DENND11: variants seen among roughly 807,000 people sequenced by gnomAD.
DENND11 encodes DENN domain containing 11, also known as DENN domain-containing protein 11.
DENND11 carries 34 observed loss-of-function variants against 49.2 expected under a neutral mutation model. The observed-to-expected ratio is 0.69, with a 90% CI of 0.53 to 0.92. DENND11 has a LOEUF of 0.92. DENND11 is among the 40% of genes least tolerant of loss of function. DENND11 has a pLI of 0.00. For missense variants in DENND11, 475 were observed against 581.6 expected (o/e 0.82, Z 1.88); for synonymous variants, 238 against 230.3 (o/e 1.03, Z -0.30).
At chr7:141,701,126 G>C (rs1223337321) in intron 1 of DENND11, among the ~76,000 whole-genome samples, 2 of 151,926 alleles carry the variant, frequency 1.3e-5, no homozygotes, top group African/African-American at 4.8e-5. Flanking sequence ...CCTGGAAAAC[G>C]CACACCCCCC....
chr7:141,668,573 G>A (rs1797930169), intron 4 of DENND11, among the ~76,000 whole-genome samples: 2 of 152,086 alleles, frequency 1.3e-5, no homozygotes, highest in South Asian at 2.1e-4. Flanking sequence ...GCAACAATGC[G>A]AGACTGTCTC....
intron 4 of DENND11, among the ~76,000 whole-genome samples, chr7:141,667,339 A>G (rs1330468706): frequency 6.6e-6 from 1 of 152,148 alleles, no homozygotes; most frequent in African/African-American, 2.4e-5. Flanking sequence ...CTGAATTCCA[A>G]TCCTGGCCCT....
Position 141,662,779 on chromosome 7 carries a change from CAG to C in DENND11, c.1243_1244del (p.Leu415AspfsTer29). The C allele has an allele frequency of 1.2e-6, 2 of 1,606,718 alleles. No individual in the cohort carries two copies. Among genetic ancestry groups the C allele is most frequent in the African/African-American group, 1.3e-5 (1 of 74,890 alleles). On this transcript the variant is annotated frameshift_variant, in exon 9 of 9. Coordinates refer to ENST00000536163, the MANE Select transcript of DENND11 (RefSeq NM_001080392.2). LOFTEE classifies it high-confidence loss of function. The part of the protein sequence containing the change: ...LEVSASQDKT[L>X]TAEHARGMGL... ...CCATGCCCCGGGCATGCTCTGCTGTCAGAGTTTTGTCTTGACTGGCAGACACC... is the reference window on the plus strand; with the variant it reads ...CCATGCCCCGGGCATGCTCTGCTGTCAGTTTTGTCTTGACTGGCAGACACC...
chr7:141,666,313 G>T lies in DENND11; in HGVS notation c.794C>A (p.Pro265Gln). Residue 265 changes from proline (P) to glutamine (Q), a missense_variant, in exon 5 of 9, where the codon CCA becomes CAA. Coordinates refer to ENST00000536163, the MANE Select transcript of DENND11 (RefSeq NM_001080392.2). ...LRKRILIFSPPPVGVVCYRVY... is the reference protein window; with the variant it reads ...LRKRILIFSPQPVGVVCYRVY... ...TCTATAGCACACCACGCCCACAGGT[G>T]GGGGAGAAAATATCAAAATGCGCTT... 2 of 1,612,826 alleles carry T rather than the reference G, an allele frequency of 1.2e-6. No homozygotes were observed. The highest frequency in any genetic ancestry group is 1.7e-4 in the Middle Eastern group (1 of 6,056).
chr7:141,665,751 G>A (rs951066981), intron 5 of DENND11, among the ~76,000 whole-genome samples: 1 of 151,968 alleles, frequency 6.6e-6, no homozygotes, highest in Non-Finnish European at 1.5e-5. Flanking sequence ...CTGGATATGA[G>A]TGCAGAAATA....
At chr7:141,671,872 G>A (rs1422686937) in intron 4 of DENND11, among the ~76,000 whole-genome samples, 2 of 152,198 alleles carry the variant, frequency 1.3e-5, no homozygotes, top group African/African-American at 2.4e-5. Flanking sequence ...CTCAGCCTAC[G>A]CCACGGGGTT....
rs1587199212 is a variant in DENND11, at chr7:141,663,982, A to G, written c.1172+190T>C. The G allele has an allele frequency of 6.2e-6, 3 of 482,926 alleles. No individual in the cohort carries two copies. The East Asian group carries it at 8.8e-5, about 14-fold the overall frequency. 29.9% of individuals were successfully genotyped at this position (482,926 alleles called of 1,614,324 possible). A position where few individuals can be genotyped will look rare whatever the true frequency, so the allele number is the denominator to read the frequency against. ...TCTTAAGGGACCTGCTTCTTTCCCT[A>G]AGTCTTCTGGGTTCCCCCTAATGGC... is the stretch of plus-strand genomic sequence containing the variant. On this transcript the variant is annotated intron_variant, in intron 8 of 8. Transcript: ENST00000536163.
intron 4 of DENND11, among the ~76,000 whole-genome samples, chr7:141,671,451 A>G (rs895459974): frequency 1.3e-5 from 2 of 152,230 alleles, no homozygotes; most frequent in African/African-American, 4.8e-5. Flanking sequence ...TGTTGGGATT[A>G]CAGGCGTGAG....
rs1370883503 is a variant in DENND11 at position 141,660,987 on chromosome 7, A to G, written c.*1669T>C. On this transcript the variant is annotated 3_prime_UTR_variant, in exon 9 of 9. Coordinates refer to ENST00000536163, the MANE Select transcript of DENND11 (RefSeq NM_001080392.2). ...ATAAAGATGCTACCTTGATTAATCAATGTCTATTTGCATTTCCACATGTGA... is the reference window on the plus strand; with the variant it reads ...ATAAAGATGCTACCTTGATTAATCAGTGTCTATTTGCATTTCCACATGTGA... 4.6e-5 allele frequency: 7 copies of G among 152,346 alleles called. No individual in the cohort carries two copies. The highest frequency in any genetic ancestry group is 1.7e-4 in the African/African-American group (7 of 41,460). The allele number at this position is 152,346 out of a possible 1,614,324, so 9.4% of individuals were successfully genotyped here.
At position 141,658,686 on chromosome 7, in the gene DENND11, G is replaced by T. The variant is rs966187493; in HGVS notation, c.*3970C>A. ...GCCCCTCCTCCTTTACCTCTGCAAG[G>T]TTGACCTATACAGGGTCTGGAGAAA... On this transcript the variant is annotated 3_prime_UTR_variant, in exon 9 of 9. Transcript: ENST00000536163. 6 of 152,024 alleles carry T rather than the reference G, an allele frequency of 3.9e-5. No individual in the cohort carries two copies. The highest frequency in any genetic ancestry group is 3.9e-4 in the Admixed American group (6 of 15,260). 9.4% of individuals were successfully genotyped at this position (152,024 alleles called of 1,614,324 possible). A position where few individuals can be genotyped will look rare whatever the true frequency, so the allele number is the denominator to read the frequency against.
At position 141,674,178 on chromosome 7, in the gene DENND11, G is replaced by A. The variant is rs1265010572; in HGVS notation, c.570C>T (p.Ala190=). The change falls in exon 4 of 9, where the codon GCC becomes GCT. Residue 190 remains alanine (A), a synonymous_variant. Transcript: ENST00000536163. ...EMPGHYSHLA[A]FYEDKKGVLH... ...GCACCCCCTTTTTGTCCTCATAGAA[G>A]GCAGCCAGATGAGAGTAATGTCCTG... 1.9e-6 allele frequency: 3 copies of A among 1,555,850 alleles called. No homozygotes were observed. The highest frequency in any genetic ancestry group is 2.6e-6 in the Non-Finnish European group (3 of 1,149,890).
intron 1 of DENND11, among the ~76,000 whole-genome samples, chr7:141,692,533 A>T (rs540685659): frequency 7.9e-5 from 12 of 152,228 alleles, no homozygotes; most frequent in Non-Finnish European, 1.3e-4. Flanking sequence ...GAGAAAAGAC[A>T]GTCTTTACAA....
intron 1 of DENND11, among the ~76,000 whole-genome samples, chr7:141,700,296 A>T (rs1252929058): frequency 6.6e-6 from 1 of 152,182 alleles, no homozygotes; most frequent in East Asian, 1.9e-4. Flanking sequence ...ATGATTAGTT[A>T]CAAAGTATTG....
At position 141,685,615 on chromosome 7, in the gene DENND11, G is replaced by A; in HGVS notation, c.390C>T (p.Phe130=). ...SDFIYFRKGP[F]FGLACFANMP... is the part of the protein sequence containing the mutation. ...TGTTGGCAAAGCAGGCCAGGCCGAA[G>A]AAGGGCCCCTTTCGGAAATAGCTAG... Residue 130 remains phenylalanine, a synonymous_variant, in exon 3 of 9, where the codon TTC becomes TTT. Coordinates refer to ENST00000536163, the MANE Select transcript of DENND11 (RefSeq NM_001080392.2). 1.2e-6 allele frequency: 2 copies of A among 1,614,048 alleles called. No individual in the cohort carries two copies. The highest frequency in any genetic ancestry group is 8.5e-7 in the Non-Finnish European group (1 of 1,179,902).
At chr7:141,680,416 A>G (rs1303184415) in intron 3 of DENND11, among the ~76,000 whole-genome samples, 1 of 152,092 alleles carries the variant, frequency 6.6e-6, no homozygotes, top group African/African-American at 2.4e-5. Context: ...GATTACTGAG[A>G]TTATTTGGAT....
At chr7:141,671,972 A>T (rs1797988662) in intron 4 of DENND11, among the ~76,000 whole-genome samples, 1 of 152,236 alleles carries the variant, frequency 6.6e-6, no homozygotes, top group South Asian at 2.1e-4. Flanking sequence ...TGTAGATTGA[A>T]AGGCAGAAGG....
chr7:141,663,851 G>A (rs1483342990), intron 8 of DENND11: 1 of 339,436 alleles, frequency 2.9e-6, no homozygotes, highest in Non-Finnish European at 5.4e-6. Flanking sequence ...GGAGGCAATG[G>A]AAATGAGAAG....
At chr7:141,677,319 G>A (rs1030808672) in intron 3 of DENND11, among the ~76,000 whole-genome samples, 6 of 150,388 alleles carry the variant, frequency 4.0e-5, no homozygotes, top group African/African-American at 9.8e-5. Flanking sequence ...CCCAGGAGGC[G>A]GAGGTTGCAG....
chr7:141,661,741 T>G lies in DENND11; in HGVS notation c.*915A>C, dbSNP rs544847785. 2 of 152,368 alleles carry G rather than the reference T, an allele frequency of 1.3e-5. No individual in the cohort carries two copies. Among genetic ancestry groups the G allele is most frequent in the East Asian group, 3.9e-4 (2 of 5,190 alleles). The allele number at this position is 152,368 out of a possible 1,614,324, so 9.4% of individuals were successfully genotyped here. On this transcript the variant is annotated 3_prime_UTR_variant, in exon 9 of 9. Coordinates refer to ENST00000536163, the MANE Select transcript of DENND11 (RefSeq NM_001080392.2). ...AGAATTCGTGTCCAGATGAAGAGAC[T>G]TAGAGTGGCTTCTCCATCCTGCTCG... is the stretch of plus-strand genomic sequence containing the variant.
Sources: gnomAD v4.1 joint callset for allele counts (sites outside exome capture counted in the v4.1 genomes callset) on GRCh38, gnomAD v4.1.1 for gene constraint, MANE v1.5 for transcripts, NCBI Gene and HGNC (gene_info 2026-07-23, HGNC 2026-07-21) for gene names.